Variants in AGAP1 observed in about 807,000 individuals in gnomAD.
AGAP1 encodes arf-GAP with GTPase, ANK repeat and PH domain-containing protein 1.
AGAP1 carries 29 observed loss-of-function variants against 105.3 expected under a neutral mutation model. That is an observed-to-expected ratio of 0.28 (90% CI 0.21 to 0.38). AGAP1 has a LOEUF of 0.38. Among genes scored for constraint, AGAP1 ranks in the 10% least tolerant of loss-of-function variants. The pLI, the probability that AGAP1 is intolerant of heterozygous loss-of-function variation, is 1.00. For missense variants in AGAP1, 998 were observed against 1,165.1 expected (o/e 0.86, Z 2.09); for synonymous variants, 509 against 485.9 (o/e 1.05, Z -0.63).
chr2:235,852,347 C>A (rs1284045038), intron 9 of AGAP1, among the ~76,000 whole-genome samples: 2 of 152,216 alleles, frequency 1.3e-5, no homozygotes, highest in Non-Finnish European at 2.9e-5. Context: ...ATGCCAGCGC[C>A]CAGCGAGGGA....
At position 235,621,910 on chromosome 2, in the gene AGAP1, C is replaced by T. The variant is rs373594168; in HGVS notation, c.164-87269C>T. Among the ~76,000 whole-genome samples, 3 of 150,504 alleles carry T rather than the reference C, an allele frequency of 2.0e-5. No homozygotes were observed. The highest frequency in any genetic ancestry group is 4.9e-5 in the African/African-American group (2 of 41,102). ...AGGGAGTGCCGCGCAGACCCCCCCACCCCCTCAGAACAGCGGCCACTGTGT... is the reference window on the plus strand; with the variant it reads ...AGGGAGTGCCGCGCAGACCCCCCCATCCCCTCAGAACAGCGGCCACTGTGT... On this transcript the variant is annotated intron_variant, in intron 1 of 17. Transcript: ENST00000304032. The surrounding 1 kb of genome is among the most constrained non-coding windows in gnomAD (Gnocchi z 4.1).
intron 1 of AGAP1, among the ~76,000 whole-genome samples, chr2:235,536,164 C>CAA (rs1326328841): frequency 1.4e-5 from 2 of 141,372 alleles, no homozygotes; most frequent in Admixed American, 6.9e-5. Flanking sequence ...CACACACACA[C>CAA]ACACACACAC....
At position 235,494,629 on chromosome 2, in the gene AGAP1, C is replaced by T; in HGVS notation, c.-58C>T. The T allele has an allele frequency of 9.4e-6, 9 of 958,748 alleles. No individual in the cohort carries two copies. The highest frequency in any genetic ancestry group is 5.4e-4 in the Middle Eastern group (1 of 1,856). The allele number at this position is 958,748 out of a possible 1,614,324, so 59.4% of individuals were successfully genotyped here. On this transcript the variant is annotated 5_prime_UTR_variant, in exon 1 of 18. Coordinates refer to ENST00000304032, the MANE Select transcript of AGAP1 (RefSeq NM_001037131.3). Reference sequence around the variant, plus strand: ...CCCCGGGCTCGGCGGCCCGCGGGCCCCGGGGCGCGGGGCGGCGGCGGCGGG... The same window carrying T: ...CCCCGGGCTCGGCGGCCCGCGGGCCTCGGGGCGCGGGGCGGCGGCGGCGGG...
At chr2:236,075,013 AC>A (rs2058598820) in intron 16 of AGAP1, among the ~76,000 whole-genome samples, 2 of 152,218 alleles carry the variant, frequency 1.3e-5, no homozygotes, top group African/African-American at 4.8e-5. Context: ...AGATCACTCC[AC>A]TGCACTCCAG....
chr2:235,751,813 G>T lies in AGAP1; in HGVS notation c.673+1325G>T, dbSNP rs563385452. 2.6e-5 allele frequency among the ~76,000 whole-genome samples: 4 copies of T among 152,200 alleles called. No individual in the cohort carries two copies. Among genetic ancestry groups the T allele is most frequent in the Non-Finnish European group, 5.9e-5 (4 of 68,044 alleles). On this transcript the variant is annotated intron_variant, in intron 6 of 17. Transcript: ENST00000304032. This position sits in a 1 kb window ranked among gnomAD's most constrained non-coding sequence, Gnocchi z 5.3. Reference sequence around the variant, plus strand: ...CTTAGGTTTCTTCTCGCCTTATCCAGTGCCAATGCTGAAGAAGCGCAGGGT... The same window carrying T: ...CTTAGGTTTCTTCTCGCCTTATCCATTGCCAATGCTGAAGAAGCGCAGGGT...
chr2:235,723,291 T>C lies in AGAP1; in HGVS notation c.310+5647T>C, dbSNP rs2149574077. Among the ~76,000 whole-genome samples the C allele has an allele frequency of 6.6e-6, 1 of 152,250 alleles. No individual in the cohort carries two copies. Among genetic ancestry groups the C allele is most frequent in the South Asian group, 2.1e-4 (1 of 4,818 alleles). On this transcript the variant is annotated intron_variant, in intron 3 of 17. Transcript: ENST00000304032. This position sits in a 1 kb window ranked among gnomAD's most constrained non-coding sequence, Gnocchi z 6.2. Reference sequence around the variant, plus strand: ...GTGTAATGTGACTTCCCTCGTGGTGTGTTTATGTGCTTAATATTCAGCGTC... The same window carrying C: ...GTGTAATGTGACTTCCCTCGTGGTGCGTTTATGTGCTTAATATTCAGCGTC...
In AGAP1 at chr2:235,834,219, C is replaced by G. The variant is rs1959837027; in HGVS notation, c.1050+26888C>G. On this transcript the variant is annotated intron_variant, in intron 9 of 17. Transcript: ENST00000304032. ...AAAAGTTCCAGGTTTTCTTTAGCTA[C>G]TTCCACAGGTACACAGAGGTGTGCT... Among the ~76,000 whole-genome samples, 5 of 152,308 alleles carry G rather than the reference C, an allele frequency of 3.3e-5. No individual in the cohort carries two copies. The South Asian group carries it at 1.0e-3, about 32-fold the overall frequency.
rs34040985 is a variant in AGAP1, at chr2:235,642,483, TG to T, written c.164-66694del. On this transcript the variant is annotated intron_variant, in intron 1 of 17. Transcript: ENST00000304032. This position sits in a 1 kb window ranked among gnomAD's most constrained non-coding sequence, Gnocchi z 4.1. The stretch of plus-strand genomic sequence containing the variant: ...GCCCTCTGGATGGGGATTTGGGTCT[TG>T]GTTTTGCCAGCACTCCCAGTGGACA... Among the ~76,000 whole-genome samples, 32,780 of 152,102 alleles carry T rather than the reference TG, an allele frequency of 0.22. 3,979 individuals are homozygous for T. The highest frequency in any genetic ancestry group is 0.27 in the Non-Finnish European group (18,552 of 67,958).
intron 13 of AGAP1, among the ~76,000 whole-genome samples, chr2:236,013,741 G>A (rs1306228754): frequency 1.3e-5 from 2 of 152,190 alleles, no homozygotes; most frequent in East Asian, 1.9e-4. Flanking sequence ...GACAGTGACC[G>A]CCACTAAACA....
chr2:235,984,188 T>A (rs2055207368), intron 13 of AGAP1, among the ~76,000 whole-genome samples: 1 of 152,226 alleles, frequency 6.6e-6, no homozygotes, highest in African/African-American at 2.4e-5. Flanking sequence ...GTGTCTGGCA[T>A]CTTATATTTG....
intron 1 of AGAP1, among the ~76,000 whole-genome samples, chr2:235,505,149 G>T (rs1020883326): frequency 6.6e-6 from 1 of 152,182 alleles, no homozygotes; most frequent in Non-Finnish European, 1.5e-5. Context: ...TGTATGTTTG[G>T]CCTAAACTGT....
At chr2:236,008,019 T>C (rs1421814651) in intron 13 of AGAP1, among the ~76,000 whole-genome samples, 1 of 152,242 alleles carries the variant, frequency 6.6e-6, no homozygotes, top group Non-Finnish European at 1.5e-5. Flanking sequence ...AATTTGAACC[T>C]CATTTTTTTC....
intron 1 of AGAP1, among the ~76,000 whole-genome samples, chr2:235,558,078 G>A (rs538088516): frequency 1.3e-5 from 2 of 152,294 alleles, no homozygotes; most frequent in South Asian, 4.1e-4. Context: ...GTGGAGAAGC[G>A]GGATGGCGAG....
intron 2 of AGAP1, among the ~76,000 whole-genome samples, chr2:235,709,519 G>GGGTGTGTGTGTGTTGT: frequency 8.4e-6 from 1 of 118,392 alleles, no homozygotes; most frequent in Admixed American, 8.3e-5. Context: ...CACATCTCGT[G>GGGTGTGTGTGTGTTGT]GGTGTGTGTG....
Position 235,931,485 on chromosome 2 carries a change from T to C in AGAP1, c.1483+562T>C, listed in dbSNP as rs150511108. 4.7e-4 allele frequency among the ~76,000 whole-genome samples: 72 copies of C among 152,168 alleles called. No individual in the cohort carries two copies. The highest frequency in any genetic ancestry group is 1.7e-3 in the African/African-American group (71 of 41,508). ...CAAGTGTATCCAGCTTTTTGGGGAA[T>C]AAGCATGCACGTTGGAAACGATCTC... On this transcript the variant is annotated intron_variant, in intron 12 of 17. Transcript: ENST00000304032. The surrounding 1 kb of genome is among the most constrained non-coding windows in gnomAD (Gnocchi z 5.6).
intron 1 of AGAP1, among the ~76,000 whole-genome samples, chr2:235,543,817 A>G (rs1418084079): frequency 6.6e-6 from 1 of 152,160 alleles, no homozygotes; most frequent in Non-Finnish European, 1.5e-5. Context: ...CTGAGCTCAC[A>G]CTGGCCCTAG....
At chr2:235,709,773 T>C (rs909427495) in intron 2 of AGAP1, among the ~76,000 whole-genome samples, 1 of 152,216 alleles carries the variant, frequency 6.6e-6, no homozygotes, top group African/African-American at 2.4e-5. Flanking sequence ...GGTGAAATTA[T>C]GTAGAGCTTC....
At chr2:235,628,570 A>G (rs1261509981) in intron 1 of AGAP1, among the ~76,000 whole-genome samples, 1 of 152,072 alleles carries the variant, frequency 6.6e-6, no homozygotes, top group African/African-American at 2.4e-5. Flanking sequence ...GATGGAGACA[A>G]GATTTGGTGG....
At chr2:236,066,383 G>A (rs1267077910) in intron 16 of AGAP1, among the ~76,000 whole-genome samples, 1 of 152,012 alleles carries the variant, frequency 6.6e-6, no homozygotes, top group Non-Finnish European at 1.5e-5. Flanking sequence ...CTGCCACCAC[G>A]CCCAGTTCAT....
Sources: gnomAD v4.1 joint callset for allele counts (sites outside exome capture counted in the v4.1 genomes callset) on GRCh38, gnomAD v4.1.1 for gene constraint, Gnocchi (gnomAD v3.1) non-coding constraint, MANE v1.5 for transcripts, NCBI Gene and HGNC (gene_info 2026-07-23, HGNC 2026-07-21) for gene names.